LRP1: variants seen among roughly 807,000 people sequenced by gnomAD.
LRP1 encodes the protein prolow-density lipoprotein receptor-related protein 1.
LRP1 carries 51 observed loss-of-function variants against 541.5 expected under a neutral mutation model. That is an observed-to-expected ratio of 0.09 (90% CI 0.08 to 0.12). The LOEUF (loss-of-function observed/expected upper bound fraction) is 0.12. LRP1 is among the 10% of genes least tolerant of loss of function. The probability of loss-of-function intolerance (pLI) is 1.00; values close to 1 mark genes in which losing one functional copy is unlikely to be tolerated. For missense variants in LRP1, 3,878 were observed against 6,376.2 expected, an observed-to-expected ratio of 0.61 and a Z score of 13.34; for synonymous variants, 2,219 against 2,470.8, an observed-to-expected ratio of 0.90 and a Z score of 3.02.
In LRP1 at chr12:57,179,414, C is replaced by G; in HGVS notation, c.4824C>G (p.Ser1608=). The part of the protein sequence containing the change: ...LDAPYYNYII[S]FTVPDIDNVT... The stretch of plus-strand genomic sequence containing the variant: ...CTCCCTACTACAACTACATCATCTC[C>G]TTCACGGTGCCCGACATCGACAACG... Residue 1608 remains serine (S), a synonymous_variant, in exon 29 of 89, where the codon TCC becomes TCG. Transcript: ENST00000243077. This position sits in a 1 kb window ranked among gnomAD's most constrained non-coding sequence, Gnocchi z 6.8. 6.2e-7 allele frequency: 1 copy of G among 1,614,254 alleles called. No homozygotes were observed. Among genetic ancestry groups the G allele is most frequent in the Admixed American group, 1.7e-5 (1 of 60,030 alleles).
In LRP1 at chr12:57,211,373, GT is replaced by G. The variant is rs1565758769; in HGVS notation, c.13091+25del. Reference sequence around the variant, plus strand: ...CAAGTGAGTGGGGCCCTCCTCCACAGTTCCACCCAGCTGGGCCCCTGCCCTG... The same window carrying G: ...CAAGTGAGTGGGGCCCTCCTCCACAGTCCACCCAGCTGGGCCCCTGCCCTG... On this transcript the variant is annotated intron_variant, in intron 84 of 88. Transcript: ENST00000243077. The surrounding 1 kb of genome is among the most constrained non-coding windows in gnomAD (Gnocchi z 4.3). 6.2e-7 allele frequency: 1 copy of G among 1,612,566 alleles called. No individual in the cohort carries two copies. Among genetic ancestry groups the G allele is most frequent in the Non-Finnish European group, 8.5e-7 (1 of 1,179,526 alleles).
At chr12:57,208,282 G>T in intron 77 of LRP1, 66 bp downstream of exon 77, 1 of 1,533,786 alleles carries the variant, frequency 6.5e-7, no homozygotes, top group Non-Finnish European at 8.9e-7. Flanking sequence ...CAGGGTTGGG[G>T]GCTGCACCCA....
chr12:57,169,430 T>A, intron 20 of LRP1, 123 bp downstream of exon 20: 1 of 941,180 alleles, frequency 1.1e-6, no homozygotes, highest in Non-Finnish European at 1.5e-6. Flanking sequence ...AGAGGTAGCC[T>A]AGGCATGGCT....
chr12:57,172,125 T>C (rs1163981964), intron 20 of LRP1, among the ~76,000 whole-genome samples: 2 of 150,864 alleles, frequency 1.3e-5, no homozygotes, highest in Non-Finnish European at 3.0e-5. Flanking sequence ...AGTGGCGTGA[T>C]CTCGGCTCAC....
At position 57,165,816 on chromosome 12, in the gene LRP1, T is replaced by C. The variant is rs771562973; in HGVS notation, c.2542T>C (p.Tyr848His). 2 of 1,614,218 alleles carry C rather than the reference T, an allele frequency of 1.2e-6. No homozygotes were observed. Among genetic ancestry groups the C allele is most frequent in the Non-Finnish European group, 1.7e-6 (2 of 1,180,008 alleles). ...DGVTCLANPS[Y>H]VPPPQCQPGE... The stretch of plus-strand genomic sequence containing the variant: ...TGTGGTGCCCACAGCGAACCCATCC[T>C]ACGTGCCTCCACCCCAGTGCCAGCC... The change falls in exon 16 of 89, where the codon TAC (tyrosine) becomes CAC (histidine). Residue 848 changes from tyrosine (Y) to histidine (H), a missense_variant. This residue lies in a region of LRP1 where 496 missense variants were observed against 861.0 expected (regional missense o/e 0.58). Transcript: ENST00000243077. This position sits in a 1 kb window ranked among gnomAD's most constrained non-coding sequence, Gnocchi z 4.5.
Position 57,145,369 on chromosome 12 carries a change from G to A in LRP1, c.720G>A (p.Glu240=). The change falls in exon 6 of 89, where the codon GAG becomes GAA. Residue 240 remains glutamate (E), a synonymous_variant. Coordinates refer to ENST00000243077, the MANE Select transcript of LRP1 (RefSeq NM_002332.3). ...CCATGGACTTCAGCTATGCCAACGAGACCGTATGCTGGGTGCATGTTGGGG... is the reference window on the plus strand; with the variant it reads ...CCATGGACTTCAGCTATGCCAACGAAACCGTATGCTGGGTGCATGTTGGGG... ...TTAMDFSYAN[E]TVCWVHVGDS... The A allele has an allele frequency of 1.2e-6, 2 of 1,614,164 alleles. No individual in the cohort carries two copies. Among genetic ancestry groups the A allele is most frequent in the Non-Finnish European group, 1.7e-6 (2 of 1,180,036 alleles).
chr12:57,195,534 G>A (rs1412949892), intron 52 of LRP1, 124 bp from the exon 53 acceptor site: 1 of 1,573,490 alleles, frequency 6.4e-7, no homozygotes, highest in African/African-American at 1.3e-5. Flanking sequence ...CTGTAGCCCA[G>A]GTGTCCAGAC....
At chr12:57,202,328 C>T (rs2036673828) in intron 67 of LRP1, 93 bp from the exon 68 acceptor site, 3 of 1,012,662 alleles carry the variant, frequency 3.0e-6, no homozygotes. Context: ...GGGATGCCCA[C>T]CCTCCCTGCC....
chr12:57,170,419 C>T (rs901226551), intron 20 of LRP1, among the ~76,000 whole-genome samples: 17 of 151,852 alleles, frequency 1.1e-4, no homozygotes, highest in South Asian at 4.2e-4. Flanking sequence ...TGGCTCATGC[C>T]TATAATCCCA....
At chr12:57,136,282 C>T (rs1471477882) in intron 1 of LRP1, among the ~76,000 whole-genome samples, 4 of 152,060 alleles carry the variant, frequency 2.6e-5, no homozygotes, top group Non-Finnish European at 5.9e-5. Flanking sequence ...GATGTGTTTC[C>T]TGAACTCGGT....
rs767716691 is a variant in LRP1 at position 57,177,176 on chromosome 12, C to A, written c.4127C>A (p.Thr1376Asn). ...ATCGAGGTGGCCAAGCTGGATGGGACCCTCCGGACCACCCTGCTGGCCGGT... is the reference window on the plus strand; with the variant it reads ...ATCGAGGTGGCCAAGCTGGATGGGAACCTCCGGACCACCCTGCTGGCCGGT... ...DQIEVAKLDGTLRTTLLAGDI... is the reference protein window; with the variant it reads ...DQIEVAKLDGNLRTTLLAGDI... Residue 1376 changes from threonine to asparagine, a missense_variant, in exon 25 of 89, where the codon ACC (threonine) becomes AAC (asparagine). Around this residue, in one of 13 missense-constraint regions of LRP1, gnomAD observed 24 missense variants for 109.1 expected, o/e 0.22. Transcript: ENST00000243077. The surrounding 1 kb of genome is among the most constrained non-coding windows in gnomAD (Gnocchi z 6.8). 11 of 1,614,082 alleles carry A rather than the reference C, an allele frequency of 6.8e-6. No homozygotes were observed. The East Asian group carries it at 2.5e-4, about 36-fold the overall frequency.
In LRP1 at chr12:57,211,554, T is replaced by C. The variant is rs754979341; in HGVS notation, c.13159T>C (p.Cys4387Arg). 6.2e-7 allele frequency: 1 copy of C among 1,614,076 alleles called. No individual in the cohort carries two copies. The highest frequency in any genetic ancestry group is 1.1e-5 in the South Asian group (1 of 91,086). ...CGGCCACTGCAGCAATGGCGGCTCC[T>C]GTACCATGAACAGCAAAATGATGCC... ...CVGHCSNGGS[C>R]TMNSKMMPEC... The change falls in exon 85 of 89, where the codon TGT becomes CGT. Residue 4387 changes from cysteine to arginine, a missense_variant. Cys to Arg is a radical substitution (Grantham distance 180). Around this residue, in one of 13 missense-constraint regions of LRP1, gnomAD observed 871 missense variants for 1,212.4 expected, o/e 0.72. Transcript: ENST00000243077. The surrounding 1 kb of genome is among the most constrained non-coding windows in gnomAD (Gnocchi z 4.3).
At chr12:57,182,724 G>A (rs1480637898) in intron 34 of LRP1, among the ~76,000 whole-genome samples, 1 of 152,094 alleles carries the variant, frequency 6.6e-6, no homozygotes, top group African/African-American at 2.4e-5. Context: ...GCTGAGGCAG[G>A]AGAATCACTT....
In LRP1 at chr12:57,204,365, G is replaced by T; in HGVS notation, c.10952-45G>T. 6.7e-7 allele frequency: 1 copy of T among 1,497,940 alleles called. No individual in the cohort carries two copies. The highest frequency in any genetic ancestry group is 1.4e-5 in the South Asian group (1 of 70,968). 92.8% of individuals were successfully genotyped at this position (1,497,940 alleles called of 1,614,324 possible). On this transcript the variant is annotated intron_variant, in intron 70 of 88. Transcript: ENST00000243077. This position sits in a 1 kb window ranked among gnomAD's most constrained non-coding sequence, Gnocchi z 5.3. ...CCCACCTGTGGAGACAGGGGTCTGG[G>T]TGGGCTCATGGCTCATTCTATCTCT...
intron 79 of LRP1, 50 bp from the exon 80 acceptor site, chr12:57,209,642 C>G: frequency 2.0e-6 from 3 of 1,536,690 alleles, no homozygotes; most frequent in Non-Finnish European, 1.8e-6. Flanking sequence ...ACAGCATGGC[C>G]AGGGCCTGAG....
Position 57,179,144 on chromosome 12 carries a change from C to A in LRP1, c.4738+123C>A. 7.3e-7 allele frequency: 1 copy of A among 1,371,394 alleles called. No homozygotes were observed. Among genetic ancestry groups the A allele is most frequent in the Non-Finnish European group, 9.9e-7 (1 of 1,013,886 alleles). 85.0% of individuals were successfully genotyped at this position (1,371,394 alleles called of 1,614,324 possible). ...CGGGAGGGTCCCGATAGGAGAGGCT[C>A]CAGAGACAGCCACTGTGAGAAGGGG... On this transcript the variant is annotated intron_variant, in intron 28 of 88. Transcript: ENST00000243077. The surrounding 1 kb of genome is among the most constrained non-coding windows in gnomAD (Gnocchi z 6.8).
intron 3 of LRP1, among the ~76,000 whole-genome samples, chr12:57,141,946 C>T (rs1002189633): frequency 2.0e-5 from 3 of 152,192 alleles, no homozygotes; most frequent in African/African-American, 7.2e-5. Context: ...CCTGCCGCCC[C>T]TACGGGTGCC....
At chr12:57,199,482 G>A (rs2036603327) in intron 61 of LRP1, 82 bp downstream of exon 61, 1 of 1,454,266 alleles carries the variant, frequency 6.9e-7, no homozygotes, top group South Asian at 1.2e-5. Context: ...CCCTTCTCTA[G>A]CATTGACCAA....
intron 19 of LRP1, chr12:57,168,379 A>G (rs1353264587): frequency 6.5e-6 from 1 of 152,680 alleles, no homozygotes; most frequent in Non-Finnish European, 1.5e-5. Context: ...CAGAGGGAGA[A>G]AGCAAATAGT....
Sources: allele counts gnomAD v4.1 joint callset (sites outside exome capture counted in the v4.1 genomes callset), GRCh38; gene constraint gnomAD v4.1.1; regional missense constraint gnomAD v4.1.1; non-coding constraint Gnocchi (gnomAD v3.1); transcripts MANE v1.5; gene names NCBI Gene and HGNC (gene_info 2026-07-23, HGNC 2026-07-21).